The following CSMD1 variants were observed in gnomAD, a reference collection of about 807,000 sequenced individuals.
CSMD1 encodes the protein CUB and sushi domain-containing protein 1.
CSMD1 carries 213 observed loss-of-function variants against 417.5 expected under a neutral mutation model. The observed-to-expected ratio is 0.51, with a 90% CI of 0.46 to 0.57. The LOEUF is 0.57. Among genes scored for constraint, CSMD1 ranks in the 20% least tolerant of loss-of-function variants. The pLI is 0.00. For missense variants in CSMD1, 6,923 were observed against 4,529.7 expected, an observed-to-expected ratio of 1.53 and a Z score of -15.17; for synonymous variants, 2,862 against 1,736.8, an observed-to-expected ratio of 1.65 and a Z score of -16.11.
intron 39 of CSMD1, among the ~76,000 whole-genome samples, chr8:3,156,722 A>T (rs1272702285): frequency 6.6e-6 from 1 of 152,212 alleles, no homozygotes; most frequent in Non-Finnish European, 1.5e-5. Context: ...ATTTTAAATA[A>T]AGACAAGATC....
chr8:4,272,466 A>T (rs532678656), intron 3 of CSMD1, among the ~76,000 whole-genome samples: 1 of 152,174 alleles, frequency 6.6e-6, no homozygotes, highest in South Asian at 2.1e-4. Flanking sequence ...TTCTATGAGT[A>T]TATAGGCACA....
At chr8:4,175,673 CTACATA>C (rs1176096955) in intron 3 of CSMD1, among the ~76,000 whole-genome samples, 1 of 152,052 alleles carries the variant, frequency 6.6e-6, no homozygotes, top group East Asian at 1.9e-4. Flanking sequence ...GGTAAAGAAA[CTACATA>C]TACATAATGT....
intron 37 of CSMD1, among the ~76,000 whole-genome samples, chr8:3,170,588 T>C (rs1315786787): frequency 6.6e-6 from 1 of 152,240 alleles, no homozygotes; most frequent in African/African-American, 2.4e-5. Flanking sequence ...AAGTCTTTTG[T>C]TTACAGCTCT....
chr8:4,216,204 C>T (rs73658489), intron 3 of CSMD1, among the ~76,000 whole-genome samples: 1,682 of 152,182 alleles, frequency 0.011, 32 homozygotes, highest in African/African-American at 0.038. Flanking sequence ...ATTGCGATGG[C>T]CTTCTTCCTT....
chr8:3,687,111 T>C (rs961093840), intron 7 of CSMD1, among the ~76,000 whole-genome samples: 1 of 152,228 alleles, frequency 6.6e-6, no homozygotes, highest in Non-Finnish European at 1.5e-5. Context: ...TGCAGGATCC[T>C]ATACTAATTT....
chr8:4,674,142 C>G (rs1435098880), intron 1 of CSMD1, among the ~76,000 whole-genome samples: 4 of 152,166 alleles, frequency 2.6e-5, no homozygotes, highest in Admixed American at 2.6e-4. Context: ...CAGATGTCCA[C>G]TGGAACCATA....
chr8:3,971,148 A>G (rs1426722071), intron 5 of CSMD1, among the ~76,000 whole-genome samples: 1 of 148,066 alleles, frequency 6.8e-6, no homozygotes, highest in Non-Finnish European at 1.5e-5. Context: ...TAAATATTCT[A>G]TTTACGCTGC....
chr8:4,191,135 G>C (rs142750156), intron 3 of CSMD1, among the ~76,000 whole-genome samples: 1,991 of 152,298 alleles, frequency 0.013, 57 homozygotes, highest in African/African-American at 0.045. Context: ...GGTAGCTCAT[G>C]CCTGTAATCC....
chr8:4,869,369 T>C lies in CSMD1; in HGVS notation c.85+124963A>G, dbSNP rs191486628. ...CTTTCCTTTATGTTAATGCTCTCTG[T>C]ATTTTAATCACTCGAATTTCATAAC... On this transcript the variant is annotated intron_variant, in intron 1 of 69. Coordinates refer to ENST00000635120, the MANE Select transcript of CSMD1 (RefSeq NM_033225.6). 8.3e-4 allele frequency among the ~76,000 whole-genome samples: 127 copies of C among 152,150 alleles called. 1 individual carries two copies. The highest frequency in any genetic ancestry group is 6.8e-3 in the Middle Eastern group (2 of 294).
At chr8:4,636,615 T>C (rs746223921) in intron 2 of CSMD1, among the ~76,000 whole-genome samples, 5 of 152,228 alleles carry the variant, frequency 3.3e-5, no homozygotes, top group Non-Finnish European at 7.3e-5. Context: ...TGGTGTATTA[T>C]AATTTTATTT....
intron 1 of CSMD1, among the ~76,000 whole-genome samples, chr8:4,887,436 T>C (rs994964438): frequency 6.6e-6 from 1 of 152,044 alleles, no homozygotes; most frequent in African/African-American, 2.4e-5. Context: ...CGAGGTATAT[T>C]AGATTTTTTT....
chr8:4,009,120 C>G (rs1289713125), intron 4 of CSMD1, among the ~76,000 whole-genome samples: 2 of 152,174 alleles, frequency 1.3e-5, no homozygotes, highest in Non-Finnish European at 2.9e-5. Flanking sequence ...TTGAACACCA[C>G]TGACTTAATC....
At chr8:3,508,421 G>T (rs1796925360) in intron 10 of CSMD1, among the ~76,000 whole-genome samples, 1 of 151,922 alleles carries the variant, frequency 6.6e-6, no homozygotes, top group Non-Finnish European at 1.5e-5. Flanking sequence ...ACGAGTTAAT[G>T]GGTGCAGCAC....
At position 3,643,038 on chromosome 8, in the gene CSMD1, GA is replaced by G. The variant is rs1266965062; in HGVS notation, c.1010-26242del. 5.3e-5 allele frequency among the ~76,000 whole-genome samples: 8 copies of G among 152,058 alleles called. No individual in the cohort carries two copies. In the East Asian group the frequency reaches 1.4e-3, roughly 26 times the overall value. On this transcript the variant is annotated intron_variant, in intron 7 of 69. Transcript: ENST00000635120. ...TTTTTCAAAATGCAGCACAGAGGAG[GA>G]AAAAATCCTGTGCATGTGAGTGTCG...
chr8:3,340,554 T>C (rs1807580084), intron 23 of CSMD1, among the ~76,000 whole-genome samples: 1 of 152,206 alleles, frequency 6.6e-6, no homozygotes, highest in Non-Finnish European at 1.5e-5. Flanking sequence ...TAGCTGAAAG[T>C]GTCTTTACAC....
chr8:4,327,423 G>T lies in CSMD1; in HGVS notation c.415+92530C>A, dbSNP rs989908381. On this transcript the variant is annotated intron_variant, in intron 3 of 69. Transcript: ENST00000635120. Reference sequence around the variant, plus strand: ...TCCTTGGGCAAATTGCAGAACACTGGCACAATCAGTCGGATTGTTTGCAGC... The same window carrying T: ...TCCTTGGGCAAATTGCAGAACACTGTCACAATCAGTCGGATTGTTTGCAGC... Among the ~76,000 whole-genome samples the T allele has an allele frequency of 3.3e-5, 5 of 152,242 alleles. No homozygotes were observed. The South Asian group carries it at 6.2e-4, about 19-fold the overall frequency.
chr8:3,215,397 T>C (rs186496082), intron 29 of CSMD1, among the ~76,000 whole-genome samples: 1 of 152,378 alleles, frequency 6.6e-6, no homozygotes, highest in African/African-American at 2.4e-5. Flanking sequence ...CTGAAATTTA[T>C]TGAGGGCTCA....
chr8:4,563,239 A>C (rs898258911), intron 2 of CSMD1, among the ~76,000 whole-genome samples: 1 of 152,052 alleles, frequency 6.6e-6, no homozygotes, highest in Admixed American at 6.6e-5. Flanking sequence ...GTCTCTACTA[A>C]AAATACAAAA....
intron 5 of CSMD1, among the ~76,000 whole-genome samples, chr8:3,785,727 AG>A (rs1799422626): frequency 6.6e-6 from 1 of 152,108 alleles, no homozygotes; most frequent in African/African-American, 2.4e-5. Flanking sequence ...TGAGAGGCCC[AG>A]GGTGCGGGGA....
Sources: gnomAD v4.1 joint callset for allele counts (sites outside exome capture counted in the v4.1 genomes callset) on GRCh38, gnomAD v4.1.1 for gene constraint, MANE v1.5 for transcripts, NCBI Gene and HGNC (gene_info 2026-07-23, HGNC 2026-07-21) for gene names.